Variants in NLGN1 observed in about 807,000 individuals in gnomAD.
NLGN1 encodes neuroligin-1.
NLGN1 carries 12 observed loss-of-function variants against 65.5 expected under a neutral mutation model. That is an observed-to-expected ratio of 0.18 (90% confidence interval 0.12 to 0.30). The LOEUF is 0.30. Ranked by LOEUF, NLGN1 falls within the 10% of genes least tolerant of loss-of-function variation. The pLI is 1.00. For synonymous variants in NLGN1, 350 were observed against 359.5 expected (o/e 0.97, Z 0.30); for missense variants, 750 against 1,007.1 (o/e 0.74, Z 3.46).
chr3:174,111,587 A>T (rs1051744147), intron 4 of NLGN1, among the ~76,000 whole-genome samples: 2 of 151,954 alleles, frequency 1.3e-5, no homozygotes, highest in African/African-American at 4.8e-5. Context: ...GGTAAAGTTA[A>T]AAGTTATAAG....
intron 4 of NLGN1, among the ~76,000 whole-genome samples, chr3:173,932,769 CT>C (rs1350886916): frequency 6.6e-6 from 1 of 152,064 alleles, no homozygotes; most frequent in Non-Finnish European, 1.5e-5. Context: ...CTCTTGAAGG[CT>C]GTTTGGCTGG....
intron 2 of NLGN1, among the ~76,000 whole-genome samples, chr3:173,445,270 A>G (rs1478610324): frequency 6.1e-5 from 1 of 16,290 alleles, no homozygotes; most frequent in Admixed American, 1.7e-3. Context: ...TCCGTCTCAA[A>G]AAAAAAAAAA....
At chr3:173,819,304 C>T (rs904477314) in intron 4 of NLGN1, among the ~76,000 whole-genome samples, 7 of 152,248 alleles carry the variant, frequency 4.6e-5, no homozygotes, top group Admixed American at 3.9e-4. Context: ...CACACCACAA[C>T]CAGGCAAATT....
intron 4 of NLGN1, among the ~76,000 whole-genome samples, chr3:174,088,785 TAAATAAATA>T (rs1743946948): frequency 6.7e-6 from 1 of 149,446 alleles, no homozygotes; most frequent in African/African-American, 2.4e-5. Context: ...AATAAATAAA[TAAATAAATA>T]AATAAATAAA....
chr3:174,112,297 G>A (rs1350740986), intron 4 of NLGN1, among the ~76,000 whole-genome samples: 5 of 151,792 alleles, frequency 3.3e-5, no homozygotes, highest in Non-Finnish European at 5.9e-5. Flanking sequence ...ATTAATAAAT[G>A]GAAATCAATT....
At chr3:174,102,928 C>T (rs918990139) in intron 4 of NLGN1, among the ~76,000 whole-genome samples, 1 of 152,138 alleles carries the variant, frequency 6.6e-6, no homozygotes, top group African/African-American at 2.4e-5. Context: ...GAGAATTGAA[C>T]TGGTAATGAG....
chr3:173,749,295 A>C (rs2150147229), intron 3 of NLGN1, among the ~76,000 whole-genome samples: 1 of 152,180 alleles, frequency 6.6e-6, no homozygotes, highest in African/African-American at 2.4e-5. Context: ...TTTATGATCA[A>C]ATAGTTCAGT....
chr3:174,265,116 G>C (rs1450937787), intron 4 of NLGN1, among the ~76,000 whole-genome samples: 1 of 151,630 alleles, frequency 6.6e-6, no homozygotes, highest in Non-Finnish European at 1.5e-5. Context: ...GTCTGCAGAG[G>C]TTATTGCTGT....
chr3:174,223,783 C>T (rs947126437), intron 4 of NLGN1, among the ~76,000 whole-genome samples: 1 of 152,188 alleles, frequency 6.6e-6, no homozygotes, highest in African/African-American at 2.4e-5. Context: ...GGCCCCAAAT[C>T]ACCACATGAC....
chr3:173,489,449 G>A (rs1454461410), intron 2 of NLGN1, among the ~76,000 whole-genome samples: 2 of 152,180 alleles, frequency 1.3e-5, no homozygotes, highest in African/African-American at 4.8e-5. Context: ...ATTCCATGGT[G>A]TATATGTGCC....
intron 4 of NLGN1, among the ~76,000 whole-genome samples, chr3:174,161,284 A>C (rs892067023): frequency 6.6e-6 from 1 of 151,874 alleles, no homozygotes; most frequent in African/African-American, 2.4e-5. Flanking sequence ...TTACTCACTG[A>C]ATTTCACATG....
At chr3:173,820,367 T>C (rs1720035562) in intron 4 of NLGN1, among the ~76,000 whole-genome samples, 1 of 152,176 alleles carries the variant, frequency 6.6e-6, no homozygotes, top group African/African-American at 2.4e-5. Flanking sequence ...TGCATTCTTC[T>C]GGTTCCTGCT....
At chr3:173,592,505 C>T (rs894961730) in intron 2 of NLGN1, among the ~76,000 whole-genome samples, 1 of 152,122 alleles carries the variant, frequency 6.6e-6, no homozygotes, top group Admixed American at 6.5e-5. Flanking sequence ...TATGCACACG[C>T]CTACATGATG....
chr3:173,726,136 C>T lies in NLGN1; in HGVS notation c.494-81544C>T, dbSNP rs138831597. On this transcript the variant is annotated intron_variant, in intron 3 of 6. Transcript: ENST00000457714. ...TGGAAGTGAGTCATTTGTTATGCCC[C>T]TACTCAGAAGGAAAGGATTCCATAA... Among the ~76,000 whole-genome samples the T allele has an allele frequency of 9.9e-5, 15 of 151,886 alleles. No homozygotes were observed. The East Asian group carries it at 2.2e-3, about 22-fold the overall frequency.
chr3:173,580,083 A>G (rs888496143), intron 2 of NLGN1, among the ~76,000 whole-genome samples: 2 of 152,104 alleles, frequency 1.3e-5, no homozygotes, highest in African/African-American at 4.8e-5. Context: ...AGCTGAATTG[A>G]TTTGACCTGG....
intron 4 of NLGN1, among the ~76,000 whole-genome samples, chr3:173,963,973 G>T (rs181699284): frequency 6.6e-6 from 1 of 152,120 alleles, no homozygotes; most frequent in African/African-American, 2.4e-5. Context: ...TTTTATCAGA[G>T]AGACTACAAC....
chr3:173,910,704 G>C (rs1305478608), intron 4 of NLGN1: 2 of 152,132 alleles, frequency 1.3e-5, no homozygotes, highest in African/African-American at 4.8e-5. Context: ...GTGCTTCCTT[G>C]AGGAAAAGAG....
chr3:174,085,403 G>C (rs1159937106), intron 4 of NLGN1, among the ~76,000 whole-genome samples: 1 of 151,960 alleles, frequency 6.6e-6, no homozygotes, highest in Non-Finnish European at 1.5e-5. Flanking sequence ...AGTCAGGTGT[G>C]AATTAAAGTC....
At chr3:173,597,293 T>A (rs965814916) in intron 2 of NLGN1, among the ~76,000 whole-genome samples, 3 of 152,218 alleles carry the variant, frequency 2.0e-5, no homozygotes, top group Non-Finnish European at 2.9e-5. Context: ...GAGAGTTATC[T>A]GACCACTTTC....
Sources: allele counts gnomAD v4.1 joint callset (sites outside exome capture counted in the v4.1 genomes callset), GRCh38; gene constraint gnomAD v4.1.1; transcripts MANE v1.5; gene names NCBI Gene and HGNC (gene_info 2026-07-23, HGNC 2026-07-21).